Variants in DIP2A observed in about 807,000 individuals in gnomAD.
The protein encoded by DIP2A is disco-interacting protein 2 homolog A.
DIP2A carries 85 observed loss-of-function variants against 177.4 expected under a neutral mutation model. That is an observed-to-expected ratio of 0.48 (90% CI 0.40 to 0.57). DIP2A has a LOEUF of 0.57. DIP2A is among the 20% of genes least tolerant of loss of function. DIP2A has a pLI of 0.00. For missense variants in DIP2A, 1,791 were observed against 2,100.2 expected (o/e 0.85, Z 2.88); for synonymous variants, 886 against 881.8 (o/e 1.00, Z -0.08).
chr21:46,531,184 G>GT (rs2059342600), intron 9 of DIP2A, among the ~76,000 whole-genome samples: 1 of 152,010 alleles, frequency 6.6e-6, no homozygotes, highest in Non-Finnish European at 1.5e-5. Flanking sequence ...AGACTCCAGG[G>GT]TGGGGTGGAA....
At chr21:46,574,313 CTT>C (rs2060981476), downstream of DIP2A, among the ~76,000 whole-genome samples, 1 of 152,060 alleles carries the variant, frequency 6.6e-6, no homozygotes, top group Non-Finnish European at 1.5e-5. Context: ...TGTACCAAAA[CTT>C]ATGGGACCCA....
Position 46,556,256 on chromosome 21 carries a change from G to A in DIP2A, c.3498+165G>A. ...GTTAAATACCAATAAATGCTAAGATGTGATTAGCCTGAGAGTAATGCGTTT... is the reference window on the plus strand; with the variant it reads ...GTTAAATACCAATAAATGCTAAGATATGATTAGCCTGAGAGTAATGCGTTT... On this transcript the variant is annotated intron_variant, in intron 29 of 37. Transcript: ENST00000417564. This position sits in a 1 kb window ranked among gnomAD's most constrained non-coding sequence, Gnocchi z 4.5. The A allele has an allele frequency of 1.4e-6, 2 of 1,438,552 alleles. No homozygotes were observed. Among genetic ancestry groups the A allele is most frequent in the Non-Finnish European group, 1.9e-6 (2 of 1,046,540 alleles). The allele number at this position is 1,438,552 out of a possible 1,614,324, so 89.1% of individuals were successfully genotyped here. A position where few individuals can be genotyped will look rare whatever the true frequency, so the allele number is the denominator to read the frequency against.
intron 8 of DIP2A, among the ~76,000 whole-genome samples, chr21:46,523,393 ATTTTTTT>A (rs61370008): frequency 1.3e-3 from 114 of 89,890 alleles, no homozygotes; most frequent in African/African-American, 2.2e-3. Flanking sequence ...CGCCTGGCTA[ATTTTTTT>A]TTTTTTTTTT....
In DIP2A at chr21:46,556,727, A is replaced by G; in HGVS notation, c.3499-212A>G. The G allele has an allele frequency of 1.9e-6, 1 of 539,814 alleles. No homozygotes were observed. The highest frequency in any genetic ancestry group is 3.2e-6 in the Non-Finnish European group (1 of 314,888). The allele number at this position is 539,814 out of a possible 1,614,324, so 33.4% of individuals were successfully genotyped here. On this transcript the variant is annotated intron_variant, in intron 29 of 37. Transcript: ENST00000417564. The surrounding 1 kb of genome is among the most constrained non-coding windows in gnomAD (Gnocchi z 4.5). ...AAATTTTAAAAATTCATTACCCTGA[A>G]ATTTTGTTTCAAAGATTTTTAGTGT...
intron 1 of DIP2A, among the ~76,000 whole-genome samples, chr21:46,475,040 A>G (rs1483065496): frequency 6.6e-6 from 1 of 151,642 alleles, no homozygotes; most frequent in Non-Finnish European, 1.5e-5. Context: ...GGAAGTGGGC[A>G]CTCAGCAGCC....
intron 8 of DIP2A, 48 bp downstream of exon 8, chr21:46,511,662 G>A: frequency 6.8e-7 from 1 of 1,475,018 alleles, no homozygotes; most frequent in Non-Finnish European, 9.0e-7. Flanking sequence ...GCTGTAGAAT[G>A]TCACACACAT....
At chr21:46,519,430 C>T (rs866179197) in intron 8 of DIP2A, among the ~76,000 whole-genome samples, 13 of 152,278 alleles carry the variant, frequency 8.5e-5, no homozygotes, top group East Asian at 3.9e-4. Context: ...TATTTCCCCT[C>T]TCTGTTTTAT....
intron 1 of DIP2A, among the ~76,000 whole-genome samples, chr21:46,471,666 T>C (rs935080796): frequency 7.2e-5 from 11 of 152,226 alleles, no homozygotes; most frequent in African/African-American, 2.7e-4. Flanking sequence ...GTTACTTCTA[T>C]TGTGTATTGA....
chr21:46,515,267 C>T (rs531053676), intron 8 of DIP2A, among the ~76,000 whole-genome samples: 1 of 152,318 alleles, frequency 6.6e-6, no homozygotes, highest in East Asian at 1.9e-4. Flanking sequence ...CATGGACTTT[C>T]CTTAAAAACA....
chr21:46,472,845 G>A (rs2055510771), intron 1 of DIP2A, among the ~76,000 whole-genome samples: 1 of 152,164 alleles, frequency 6.6e-6, no homozygotes, highest in Admixed American at 6.5e-5. Flanking sequence ...AAGGCAGGAG[G>A]GGTGCTGGTA....
chr21:46,491,304 T>A (rs905578161), intron 3 of DIP2A, among the ~76,000 whole-genome samples: 2 of 152,240 alleles, frequency 1.3e-5, no homozygotes, highest in African/African-American at 2.4e-5. Context: ...CACTGTGTGG[T>A]TGTATATTTT....
chr21:46,569,158 A>G lies in DIP2A; in HGVS notation c.*1536A>G, dbSNP rs2060913384. The G allele has an allele frequency of 2.0e-5, 3 of 152,168 alleles. No individual in the cohort carries two copies. The highest frequency in any genetic ancestry group is 7.2e-5 in the African/African-American group (3 of 41,444). 9.4% of individuals were successfully genotyped at this position (152,168 alleles called of 1,614,324 possible). ...TTGAGGGTGGCAAATTTTGTGAATC[A>G]TGCATGCTTCACAGAAACAACCAGG... On this transcript the variant is annotated 3_prime_UTR_variant, in exon 38 of 38. Transcript: ENST00000417564.
chr21:46,506,202 C>A (rs138721091), intron 6 of DIP2A, among the ~76,000 whole-genome samples: 2 of 152,112 alleles, frequency 1.3e-5, no homozygotes, highest in African/African-American at 4.8e-5. Flanking sequence ...ACTGAAACCT[C>A]GCCATCCTGG....
At chr21:46,570,131 C>A (rs2060940542), downstream of DIP2A, among the ~76,000 whole-genome samples, 1 of 152,126 alleles carries the variant, frequency 6.6e-6, no homozygotes, top group South Asian at 2.1e-4. Flanking sequence ...CTGCAGTGAG[C>A]CCAGATGCAC....
At position 46,545,882 on chromosome 21, in the gene DIP2A, C is replaced by T. The variant is rs1569083235; in HGVS notation, c.2315C>T (p.Ala772Val). The T allele has an allele frequency of 6.2e-7, 1 of 1,613,702 alleles. No homozygotes were observed. The highest frequency in any genetic ancestry group is 1.1e-5 in the South Asian group (1 of 91,088). The change falls in exon 20 of 38, where the codon GCA (alanine) becomes GTA (valine). Residue 772 changes from alanine to valine, a missense_variant and splice_region_variant. Physicochemically the swap from Ala to Val is moderately conservative, Grantham distance 64. Coordinates refer to ENST00000417564, the MANE Select transcript of DIP2A (RefSeq NM_015151.4). ...CGTGCCCCTCTCCACTTTGTGCAGG[C>T]AGTTCCGGTCACCACAGGAGGAGCA... ...LLGITKNVFE[A>V]VPVTTGGAPI...
At chr21:46,526,687 G>A (rs1030612136) in intron 8 of DIP2A, among the ~76,000 whole-genome samples, 4 of 152,244 alleles carry the variant, frequency 2.6e-5, no homozygotes, top group South Asian at 2.1e-4. Context: ...GAGCCACTGC[G>A]CCAGGCCTGT....
rs1420850667 is a variant in DIP2A, at chr21:46,498,569, ATT to A, written c.404-10_404-9del. The A allele has an allele frequency of 4.8e-5, 76 of 1,596,872 alleles. No homozygotes were observed. The highest frequency in any genetic ancestry group is 6.4e-5 in the Non-Finnish European group (75 of 1,169,868). On this transcript the variant is annotated splice_polypyrimidine_tract_variant and intron_variant, in intron 4 of 37. Coordinates refer to ENST00000417564, the MANE Select transcript of DIP2A (RefSeq NM_015151.4). The surrounding 1 kb of genome is among the most constrained non-coding windows in gnomAD (Gnocchi z 4.3). ...TCCCGATATCATGCCTGTCATCGTT[ATT>A]TTAACCACAGACACGTCGTCTGCCT...
At chr21:46,555,924 C>T (rs2060452156) in intron 28 of DIP2A, 58 bp from the exon 29 acceptor site, 9 of 1,326,250 alleles carry the variant, frequency 6.8e-6, no homozygotes, top group African/African-American at 1.4e-5. Context: ...TGTGAAAGCC[C>T]AGAGCGTTCA....
At position 46,551,880 on chromosome 21, in the gene DIP2A, G is replaced by A. The variant is rs377675809; in HGVS notation, c.3006G>A (p.Pro1002=). 4.5e-5 allele frequency: 73 copies of A among 1,607,942 alleles called. No individual in the cohort carries two copies. The highest frequency in any genetic ancestry group is 9.4e-5 in the African/African-American group (7 of 74,824). Residue 1002 remains proline (P), a synonymous_variant, in exon 25 of 38, where the codon CCG becomes CCA. Transcript: ENST00000417564. ...GTGCCCACACCACTCCTGACCACCC[G>A]CTGTTCTTGCTGCTGAACGCCAAGG... ...QWRAHTTPDH[P]LFLLLNAKGT...
Sources: allele counts gnomAD v4.1 joint callset (sites outside exome capture counted in the v4.1 genomes callset), GRCh38; gene constraint gnomAD v4.1.1; non-coding constraint Gnocchi (gnomAD v3.1); transcripts MANE v1.5; gene names NCBI Gene and HGNC (gene_info 2026-07-23, HGNC 2026-07-21).